The following ESRRG variants were observed in gnomAD, a reference collection of about 807,000 sequenced individuals.
ESRRG encodes the protein estrogen related receptor gamma.
ESRRG carries 13 observed loss-of-function variants against 44.0 expected under a neutral mutation model. The observed-to-expected ratio is 0.30, with a 90% CI of 0.19 to 0.47. The LOEUF (loss-of-function observed/expected upper bound fraction) is 0.47. ESRRG is among the 20% of genes least tolerant of loss of function. The probability of loss-of-function intolerance (pLI) is 1.00; values close to 1 mark genes in which losing one functional copy is unlikely to be tolerated. For synonymous variants in ESRRG, 215 were observed against 214.6 expected (o/e 1.00, Z -0.02); for missense variants, 395 against 580.6 (o/e 0.68, Z 3.29).
intron 3 of ESRRG, among the ~76,000 whole-genome samples, chr1:216,605,379 T>TA (rs374667676): frequency 1.3e-4 from 19 of 150,874 alleles, no homozygotes; most frequent in South Asian, 8.4e-4. Context: ...ATCATTCTAT[T>TA]AAAAAAAAAC....
chr1:216,541,602 GTGTGT>G (rs1558373087), intron 5 of ESRRG, among the ~76,000 whole-genome samples: 14 of 139,876 alleles, frequency 1.0e-4, no homozygotes, highest in Non-Finnish European at 1.1e-4. Flanking sequence ...GTGTGTGTGT[GTGTGT>G]ATGTGATCAG....
chr1:216,675,530 T>C lies in ESRRG; in HGVS notation c.472+1546A>G, dbSNP rs1247058981. The stretch of plus-strand genomic sequence containing the variant: ...CAAAATTATGAAGGCTCCACATAAA[T>C]TAGTTTCAGTTCTGTCCAGCAAGGG... On this transcript the variant is annotated intron_variant, in intron 2 of 6. Coordinates refer to ENST00000408911, the MANE Select transcript of ESRRG (RefSeq NM_001438.4). 2.6e-5 allele frequency among the ~76,000 whole-genome samples: 4 copies of C among 152,158 alleles called. No individual in the cohort carries two copies. The East Asian group carries it at 7.7e-4, about 29-fold the overall frequency.
chr1:216,899,670 A>G (rs1186085519), intron 2 of ESRRG, among the ~76,000 whole-genome samples: 1 of 152,220 alleles, frequency 6.6e-6, no homozygotes, highest in Non-Finnish European at 1.5e-5. Flanking sequence ...CTTGTTTCCC[A>G]TCTGCATACA....
At chr1:216,830,480 C>T (rs975838020) in intron 2 of ESRRG, among the ~76,000 whole-genome samples, 1 of 152,168 alleles carries the variant, frequency 6.6e-6, no homozygotes, top group Admixed American at 6.5e-5. Flanking sequence ...ACACAGCCCT[C>T]TCGCTTTGAG....
At chr1:217,099,926 G>T (rs2092482822) in intron 1 of ESRRG, among the ~76,000 whole-genome samples, 1 of 151,644 alleles carries the variant, frequency 6.6e-6, no homozygotes, top group Admixed American at 6.6e-5. Flanking sequence ...ATGAAGTGGA[G>T]AATCCGTAGT....
intron 3 of ESRRG, among the ~76,000 whole-genome samples, chr1:216,625,996 T>G (rs2063132253): frequency 6.6e-6 from 1 of 152,154 alleles, no homozygotes; most frequent in Non-Finnish European, 1.5e-5. Flanking sequence ...ACAATCCAGT[T>G]GGAGGAAAGA....
At chr1:217,069,233 G>A (rs1053024733) in intron 1 of ESRRG, among the ~76,000 whole-genome samples, 1 of 152,068 alleles carries the variant, frequency 6.6e-6, no homozygotes, top group Non-Finnish European at 1.5e-5. Flanking sequence ...TTTCTTCCGT[G>A]GTGGATCCTT....
intron 2 of ESRRG, among the ~76,000 whole-genome samples, chr1:216,874,205 A>G (rs1030830963): frequency 6.6e-6 from 1 of 152,118 alleles, no homozygotes; most frequent in Admixed American, 6.5e-5. Flanking sequence ...TAAACTCACT[A>G]CAAGCTTAGG....
chr1:216,550,011 A>G (rs2149371877), intron 5 of ESRRG, among the ~76,000 whole-genome samples: 1 of 152,218 alleles, frequency 6.6e-6, no homozygotes, highest in East Asian at 1.9e-4. Flanking sequence ...TCAAGTCCTT[A>G]CATCAAAGTT....
intron 5 of ESRRG, among the ~76,000 whole-genome samples, chr1:216,542,136 T>G (rs1021309436): frequency 3.3e-5 from 5 of 151,350 alleles, no homozygotes; most frequent in African/African-American, 1.2e-4. Context: ...ATTCTAGTAC[T>G]AATCCTTGTT....
chr1:216,634,901 G>A (rs2064986654), intron 3 of ESRRG, among the ~76,000 whole-genome samples: 1 of 152,142 alleles, frequency 6.6e-6, no homozygotes, highest in Admixed American at 6.6e-5. Context: ...CAAGTTTTAA[G>A]GGGAACAGAA....
intron 2 of ESRRG, among the ~76,000 whole-genome samples, chr1:216,652,897 A>G (rs1378484989): frequency 6.6e-6 from 1 of 152,036 alleles, no homozygotes; most frequent in Non-Finnish European, 1.5e-5. Context: ...GGCTCCCCCT[A>G]TACTTACTTA....
intron 1 of ESRRG, among the ~76,000 whole-genome samples, chr1:217,009,702 CTT>C (rs11325118): frequency 5.1e-4 from 54 of 106,342 alleles, no homozygotes; most frequent in Middle Eastern, 4.9e-3. Context: ...TTTTCTTTTT[CTT>C]TTTTTTTTTT....
At chr1:216,896,865 C>A (rs1172222867) in intron 2 of ESRRG, among the ~76,000 whole-genome samples, 2 of 152,164 alleles carry the variant, frequency 1.3e-5, no homozygotes. Context: ...TCTCTTGGGT[C>A]CTATCCTTTT....
At chr1:216,614,496 A>C (rs2150360925) in intron 3 of ESRRG, among the ~76,000 whole-genome samples, 1 of 152,348 alleles carries the variant, frequency 6.6e-6, no homozygotes, top group Non-Finnish European at 1.5e-5. Context: ...CTTTGTGTTA[A>C]GTGCATACCA....
At chr1:216,570,994 A>G (rs1466322069) in intron 3 of ESRRG, among the ~76,000 whole-genome samples, 1 of 152,334 alleles carries the variant, frequency 6.6e-6, no homozygotes, top group South Asian at 2.1e-4. Context: ...AGATCTGCGG[A>G]AAAAGACCAT....
At chr1:216,939,024 A>G (rs1397181482) in intron 2 of ESRRG, among the ~76,000 whole-genome samples, 1 of 152,194 alleles carries the variant, frequency 6.6e-6, no homozygotes. Context: ...AAGTAGACAG[A>G]TATCTCTAGA....
chr1:216,804,834 A>T (rs1022577317), intron 2 of ESRRG: 1 of 152,080 alleles, frequency 6.6e-6, no homozygotes, highest in Non-Finnish European at 1.5e-5. Flanking sequence ...TCTCCTTTAA[A>T]TGTTTCCAAT....
chr1:216,723,499 T>G (rs1407840922), upstream of ESRRG: 1 of 561,510 alleles, frequency 1.8e-6, no homozygotes, highest in African/African-American at 1.9e-5. Flanking sequence ...GCTTTACATA[T>G]GCAGTCCCAC....
Sources: gnomAD v4.1 joint callset for allele counts (sites outside exome capture counted in the v4.1 genomes callset) on GRCh38, gnomAD v4.1.1 for gene constraint, MANE v1.5 for transcripts, NCBI Gene and HGNC (gene_info 2026-07-23, HGNC 2026-07-21) for gene names.